BCAS4: variants seen among roughly 807,000 people sequenced by gnomAD.
BCAS4 encodes the protein breast carcinoma amplified sequence 4.
In BCAS4, 9 loss-of-function variants were observed where a neutral mutation model predicts 15.7. The ratio of observed to expected loss-of-function variants is 0.57; its 90% confidence interval spans 0.34 to 1.00. The LOEUF (loss-of-function observed/expected upper bound fraction) is 1.00. Among genes scored for constraint, BCAS4 ranks in the 50% least tolerant of loss-of-function variants. The probability of loss-of-function intolerance (pLI) is 0.02; values close to 1 mark genes in which losing one functional copy is unlikely to be tolerated. For synonymous variants in BCAS4, 101 were observed against 99.5 expected (o/e 1.02, Z -0.09); for missense variants, 225 against 239.1 (o/e 0.94, Z 0.39).
intron 4 of BCAS4, among the ~76,000 whole-genome samples, chr20:50,845,112 G>A (rs564049851): frequency 3.9e-5 from 6 of 152,092 alleles, no homozygotes; most frequent in Non-Finnish European, 5.9e-5. Context: ...CTGTGAAGAG[G>A]GTGTGGTCAT....
rs1238305148 is a variant in BCAS4, at chr20:50,810,629, C to T, written c.91-7582C>T. Among the ~76,000 whole-genome samples, 10 of 143,826 alleles carry T rather than the reference C, an allele frequency of 7.0e-5. No individual in the cohort carries two copies. In the South Asian group the frequency reaches 1.5e-3, roughly 22 times the overall value. The allele number at this position is 143,826 out of a possible 152,430, so 94.4% of individuals were successfully genotyped here. On this transcript the variant is annotated intron_variant, in intron 1 of 4. Coordinates refer to ENST00000371608, the MANE Select transcript of BCAS4 (RefSeq NM_198799.4). ...TTGAGACGGAGTCGTCTCGCTCTGT[C>T]GCCCAGGCTGGAGTGCAGTGGCGCG...
intron 2 of BCAS4, among the ~76,000 whole-genome samples, chr20:50,825,465 C>G: frequency 6.6e-6 from 1 of 152,240 alleles, no homozygotes; most frequent in East Asian, 1.9e-4. Context: ...ATTGCCTTCC[C>G]TGGCCCCTCA....
chr20:50,855,111 TC>T (rs1020137364), intron 4 of BCAS4, among the ~76,000 whole-genome samples: 3 of 152,082 alleles, frequency 2.0e-5, no homozygotes, highest in Admixed American at 1.3e-4. Context: ...CTCTCCCACT[TC>T]CTCCCATCTT....
intron 4 of BCAS4, among the ~76,000 whole-genome samples, chr20:50,867,040 T>A (rs993582056): frequency 1.2e-4 from 18 of 150,684 alleles, no homozygotes; most frequent in Middle Eastern, 3.4e-3. Flanking sequence ...CTGTTGACTT[T>A]AAAAAAAAAA....
At chr20:50,859,103 T>TTTA (rs952890840) in intron 4 of BCAS4, among the ~76,000 whole-genome samples, 10 of 151,840 alleles carry the variant, frequency 6.6e-5, no homozygotes, top group East Asian at 5.8e-4. Context: ...GCCCGGCTAA[T>TTTA]TTATTATTAT....
intron 3 of BCAS4, among the ~76,000 whole-genome samples, chr20:50,839,877 T>C (rs1055063320): frequency 2.0e-5 from 3 of 152,238 alleles, no homozygotes; most frequent in African/African-American, 7.2e-5. Flanking sequence ...TTAAGTAACT[T>C]GCCAAAAGGC....
At chr20:50,809,790 T>G (rs960865125) in intron 1 of BCAS4, among the ~76,000 whole-genome samples, 1 of 152,170 alleles carries the variant, frequency 6.6e-6, no homozygotes, top group Non-Finnish European at 1.5e-5. Context: ...TTCATCAGTG[T>G]TTTGTAGTTT....
chr20:50,827,025 A>G (rs2088285385), intron 2 of BCAS4, among the ~76,000 whole-genome samples: 1 of 152,144 alleles, frequency 6.6e-6, no homozygotes, highest in Admixed American at 6.5e-5. Context: ...CAAACAAACA[A>G]ACAAAAAAAA....
chr20:50,875,767 G>A (rs1169598361), intron 4 of BCAS4, among the ~76,000 whole-genome samples: 3 of 151,032 alleles, frequency 2.0e-5, no homozygotes, highest in Non-Finnish European at 4.4e-5. Flanking sequence ...GGGTGACAGA[G>A]CGAGACTCCG....
At chr20:50,810,799 C>T (rs1569019940) in intron 1 of BCAS4, among the ~76,000 whole-genome samples, 2 of 151,952 alleles carry the variant, frequency 1.3e-5, no homozygotes, top group Admixed American at 6.6e-5. Flanking sequence ...ACCATGTTGG[C>T]CAGGATGGTC....
At chr20:50,802,734 C>T (rs902803550) in intron 1 of BCAS4, among the ~76,000 whole-genome samples, 1 of 152,008 alleles carries the variant, frequency 6.6e-6, no homozygotes, top group Non-Finnish European at 1.5e-5. Flanking sequence ...ATTAGCTGGG[C>T]ATGGTGGTGG....
chr20:50,809,271 G>A (rs34716922), intron 1 of BCAS4, among the ~76,000 whole-genome samples: 20,928 of 151,706 alleles, frequency 0.14, 1,525 homozygotes, highest in South Asian at 0.15. Context: ...GTGCAATGGC[G>A]CAATCTCAGC....
intron 1 of BCAS4, among the ~76,000 whole-genome samples, chr20:50,810,574 T>C (rs1202573049): frequency 1.3e-5 from 2 of 149,620 alleles, no homozygotes; most frequent in African/African-American, 2.5e-5. Context: ...AAAAATAGTA[T>C]GTTATTTTTT....
intron 4 of BCAS4, among the ~76,000 whole-genome samples, chr20:50,864,877 T>G (rs553245795): frequency 6.6e-6 from 1 of 151,756 alleles, no homozygotes; most frequent in Non-Finnish European, 1.5e-5. Flanking sequence ...GCAGATTACT[T>G]GAGGTCAGGA....
chr20:50,814,170 C>A (rs2123767299), intron 1 of BCAS4, among the ~76,000 whole-genome samples: 1 of 152,278 alleles, frequency 6.6e-6, no homozygotes, highest in Non-Finnish European at 1.5e-5. Context: ...AGACAGTCAG[C>A]AAACTCTCGC....
At chr20:50,875,383 A>G (rs1979871295) in intron 4 of BCAS4, among the ~76,000 whole-genome samples, 1 of 152,182 alleles carries the variant, frequency 6.6e-6, no homozygotes, top group Admixed American at 6.5e-5. Context: ...ACGAGGAAGC[A>G]CTTCTTAAAA....
At chr20:50,837,045 A>T (rs1271982029) in intron 3 of BCAS4, among the ~76,000 whole-genome samples, 2 of 152,192 alleles carry the variant, frequency 1.3e-5, no homozygotes, top group Non-Finnish European at 2.9e-5. Flanking sequence ...ACTACAAGCC[A>T]GGGACTATGA....
chr20:50,812,423 T>C (rs2088080411), intron 1 of BCAS4, among the ~76,000 whole-genome samples: 2 of 145,646 alleles, frequency 1.4e-5, no homozygotes, highest in Admixed American at 6.8e-5. Flanking sequence ...CGTGAGCTAC[T>C]GCGTCTGGCC....
At position 50,861,615 on chromosome 20, in the gene BCAS4, G is replaced by A. The variant is rs369271656; in HGVS notation, c.400-14871G>A. Reference sequence around the variant, plus strand: ...AGTTGTTTTGTGTGTCCATGCCAGGGGCAGGTGACCTGCCTTGCTTGGGCG... The same window carrying A: ...AGTTGTTTTGTGTGTCCATGCCAGGAGCAGGTGACCTGCCTTGCTTGGGCG... On this transcript the variant is annotated intron_variant, in intron 4 of 4. Coordinates refer to ENST00000371608, the MANE Select transcript of BCAS4 (RefSeq NM_198799.4). Among the ~76,000 whole-genome samples the A allele has an allele frequency of 1.8e-4, 27 of 152,232 alleles. No individual in the cohort carries two copies. The South Asian group carries it at 1.9e-3, about 11-fold the overall frequency.
Sources: gnomAD v4.1 joint callset for allele counts (sites outside exome capture counted in the v4.1 genomes callset) on GRCh38, gnomAD v4.1.1 for gene constraint, MANE v1.5 for transcripts, NCBI Gene and HGNC (gene_info 2026-07-23, HGNC 2026-07-21) for gene names.